The following WWOX variants were observed in gnomAD, a reference collection of about 807,000 sequenced individuals.
WWOX encodes the protein WW domain containing oxidoreductase.
In WWOX, 69 loss-of-function variants were observed where a neutral mutation model predicts 46.2. That is an observed-to-expected ratio of 1.49 (90% CI 1.23 to 1.82). WWOX has a LOEUF of 1.82. WWOX is among the 40% of genes most tolerant of loss of function. The pLI, the probability that WWOX is intolerant of heterozygous loss-of-function variation, is 0.00. For synonymous variants in WWOX, 359 were observed against 202.6 expected (o/e 1.77, Z -6.56); for missense variants, 919 against 542.6 (o/e 1.69, Z -6.89).
chr16:78,271,937 C>G (rs968873008), intron 5 of WWOX, among the ~76,000 whole-genome samples: 1 of 152,162 alleles, frequency 6.6e-6, no homozygotes, highest in African/African-American at 2.4e-5. Flanking sequence ...GCATTGTGTG[C>G]AGCCAGGTCA....
At chr16:78,712,299 C>T (rs887853551) in intron 8 of WWOX, among the ~76,000 whole-genome samples, 6 of 152,004 alleles carry the variant, frequency 3.9e-5, no homozygotes, top group African/African-American at 1.4e-4. Context: ...GTCAAGAGAT[C>T]GAAACCATCC....
At chr16:78,363,388 C>G (rs2081455753) in intron 5 of WWOX, among the ~76,000 whole-genome samples, 1 of 151,930 alleles carries the variant, frequency 6.6e-6, no homozygotes, top group South Asian at 2.1e-4. Context: ...ATTTTCCTTT[C>G]TCAGACCCCA....
At chr16:78,598,155 A>G (rs563908303) in intron 8 of WWOX, among the ~76,000 whole-genome samples, 3 of 152,294 alleles carry the variant, frequency 2.0e-5, no homozygotes, top group Admixed American at 6.5e-5. Flanking sequence ...GGAGAAATCT[A>G]TAATAGGAGG....
chr16:78,985,133 CAGAT>C (rs1567460306), intron 8 of WWOX, among the ~76,000 whole-genome samples: 1 of 152,320 alleles, frequency 6.6e-6, no homozygotes, highest in East Asian at 1.9e-4. Flanking sequence ...ATCTGAATTG[CAGAT>C]GGCTTTAGCC....
chr16:78,534,839 G>C lies in WWOX; in HGVS notation c.1056+102087G>C, dbSNP rs1239308035. Among the ~76,000 whole-genome samples, 8 of 151,872 alleles carry C rather than the reference G, an allele frequency of 5.3e-5. No homozygotes were observed. The East Asian group carries it at 1.4e-3, about 26-fold the overall frequency. On this transcript the variant is annotated intron_variant, in intron 8 of 8. Coordinates refer to ENST00000566780, the MANE Select transcript of WWOX (RefSeq NM_016373.4). ...ATTCCACTGCCCTGATCAGCTTCCT[G>C]AGTAGCTGGGACTACAGGTGCGCGC...
At chr16:78,594,896 C>T (rs1314456661) in intron 8 of WWOX, among the ~76,000 whole-genome samples, 1 of 152,150 alleles carries the variant, frequency 6.6e-6, no homozygotes, top group Non-Finnish European at 1.5e-5. Flanking sequence ...ATGCATATTG[C>T]AAGTAAAGAA....
At chr16:79,048,606 G>C (rs1406345155) in intron 8 of WWOX, among the ~76,000 whole-genome samples, 1 of 152,152 alleles carries the variant, frequency 6.6e-6, no homozygotes, top group African/African-American at 2.4e-5. Context: ...GTATGCTAAA[G>C]AATGTGTTGT....
intron 8 of WWOX, among the ~76,000 whole-genome samples, chr16:79,092,585 T>A (rs1233592645): frequency 6.6e-6 from 1 of 152,182 alleles, no homozygotes; most frequent in African/African-American, 2.4e-5. Flanking sequence ...CCTTGTTTTG[T>A]GTAATTGGTC....
intron 8 of WWOX, among the ~76,000 whole-genome samples, chr16:79,105,509 T>C (rs2049290260): frequency 6.6e-6 from 1 of 152,210 alleles, no homozygotes; most frequent in Non-Finnish European, 1.5e-5. Flanking sequence ...CATATCAATA[T>C]CTATATTTAA....
At chr16:78,614,453 G>A (rs1008998586) in intron 8 of WWOX, among the ~76,000 whole-genome samples, 1 of 152,196 alleles carries the variant, frequency 6.6e-6, no homozygotes, top group Non-Finnish European at 1.5e-5. Context: ...CTCTGGCTGG[G>A]GTGAGGGCGG....
intron 8 of WWOX, among the ~76,000 whole-genome samples, chr16:78,826,504 T>C (rs2051661331): frequency 6.6e-6 from 1 of 152,214 alleles, no homozygotes; most frequent in African/African-American, 2.4e-5. Flanking sequence ...TGTGACCATA[T>C]CACTCCAATC....
At chr16:78,422,684 T>C (rs796750356) in intron 6 of WWOX, among the ~76,000 whole-genome samples, 1,691 of 52,810 alleles carry the variant, frequency 0.032, 282 homozygotes, top group East Asian at 0.055. Flanking sequence ...TATATATATA[T>C]ACACACACAC....
intron 5 of WWOX, among the ~76,000 whole-genome samples, chr16:78,336,600 G>C (rs1171614630): frequency 2.0e-5 from 3 of 151,412 alleles, no homozygotes; most frequent in Admixed American, 2.0e-4. Context: ...TTGAGGACCT[G>C]TCAAACAACA....
chr16:78,632,777 C>T (rs987214408), intron 8 of WWOX, among the ~76,000 whole-genome samples: 4 of 151,788 alleles, frequency 2.6e-5, no homozygotes, highest in East Asian at 2.0e-4. Flanking sequence ...AGACTGGTCT[C>T]GAACTCCTGA....
intron 5 of WWOX, among the ~76,000 whole-genome samples, chr16:78,197,082 CTCGTA>C (rs2036077658): frequency 1.3e-5 from 2 of 152,192 alleles, no homozygotes; most frequent in South Asian, 4.1e-4. Flanking sequence ...CTGCACCAGA[CTCGTA>C]TCAGCCACTT....
chr16:78,984,702 A>G (rs2046750367), intron 8 of WWOX, among the ~76,000 whole-genome samples: 1 of 152,212 alleles, frequency 6.6e-6, no homozygotes, highest in South Asian at 2.1e-4. Context: ...TATCCTGTGA[A>G]TCTTCATACT....
At chr16:78,810,443 C>A (rs955251466) in intron 8 of WWOX, among the ~76,000 whole-genome samples, 1 of 152,188 alleles carries the variant, frequency 6.6e-6, no homozygotes, top group Non-Finnish European at 1.5e-5. Context: ...TCAAATATTA[C>A]ATGTCAACTC....
At position 78,465,002 on chromosome 16, in the gene WWOX, C is replaced by A. The variant is rs894079204; in HGVS notation, c.1056+32250C>A. ...AAAGGAGGAGCAAAGGCACATCTTA[C>A]ATGGCAGCAGACAAGAAAGCGTGTG... On this transcript the variant is annotated intron_variant, in intron 8 of 8. Coordinates refer to ENST00000566780, the MANE Select transcript of WWOX (RefSeq NM_016373.4). Among the ~76,000 whole-genome samples the A allele has an allele frequency of 1.1e-4, 16 of 152,314 alleles. No homozygotes were observed. The East Asian group carries it at 1.5e-3, about 15-fold the overall frequency.
At chr16:78,351,510 G>A (rs2081183340) in intron 5 of WWOX, among the ~76,000 whole-genome samples, 1 of 152,128 alleles carries the variant, frequency 6.6e-6, no homozygotes, top group Non-Finnish European at 1.5e-5. Context: ...CCCCTGTGCA[G>A]GCAGGAATGT....
Sources: allele counts gnomAD v4.1 joint callset (sites outside exome capture counted in the v4.1 genomes callset), GRCh38; gene constraint gnomAD v4.1.1; transcripts MANE v1.5; gene names NCBI Gene and HGNC (gene_info 2026-07-23, HGNC 2026-07-21).